Variants in PLCXD1 observed in about 807,000 individuals in gnomAD.
PLCXD1 encodes the protein phosphatidylinositol specific phospholipase C X domain containing 1.
Under a neutral mutation model 37.8 loss-of-function variants are expected in PLCXD1, and 45 were observed. The ratio of observed to expected loss-of-function variants is 1.19; its 90% CI spans 0.94 to 1.53. PLCXD1 has a LOEUF of 1.53. Among genes scored for constraint, PLCXD1 ranks in the 40% most tolerant of loss-of-function variants. The probability of loss-of-function intolerance (pLI) is 0.00; values close to 1 mark genes in which losing one functional copy is unlikely to be tolerated. For missense variants in PLCXD1, 539 were observed against 454.7 expected, an observed-to-expected ratio of 1.19 and a Z score of -1.69; for synonymous variants, 246 against 206.9, an observed-to-expected ratio of 1.19 and a Z score of -1.62.
intron 5 of PLCXD1, 34 bp from the exon 6 acceptor site, chrX:293,001 C>T (rs1188802897): frequency 2.0e-6 from 3 of 1,518,674 alleles, no homozygotes; most frequent in African/African-American, 2.8e-5. Context: ...GCTCTCCTCT[C>T]TCCCCTGCAC....
upstream of PLCXD1, among the ~76,000 whole-genome samples, chrX:279,775 G>GCAA: frequency 7.1e-6 from 1 of 140,370 alleles, no homozygotes; most frequent in Admixed American, 7.1e-5. Context: ...CCCTGTCTCT[G>GCAA]AAAAAAAAAA....
chrX:278,714 GGGAGACAGAGCA>G (rs2069201457), upstream of PLCXD1, among the ~76,000 whole-genome samples: 1 of 139,088 alleles, frequency 7.2e-6, no homozygotes, highest in South Asian at 2.3e-4. Flanking sequence ...ACTCCAGCCT[GGGAGACAGAGCA>G]AGACTCCGTC....
chrX:293,331 G>T (rs112714245), intron 6 of PLCXD1, 113 bp downstream of exon 6: 3 of 803,048 alleles, frequency 3.7e-6, no homozygotes, highest in Admixed American at 2.5e-5. Context: ...AATTTAAAAG[G>T]AATCCATGAG....
At chrX:294,481 CA>C (rs962052329) in intron 6 of PLCXD1, among the ~76,000 whole-genome samples, 9,326 of 93,708 alleles carry the variant, frequency 0.1, 942 homozygotes, top group African/African-American at 0.29. Flanking sequence ...AACTCTGTCT[CA>C]AAAAAAAAAA....
chrX:290,378 C>G (rs1408062474), intron 3 of PLCXD1, among the ~76,000 whole-genome samples: 2 of 151,744 alleles, frequency 1.3e-5, no homozygotes, highest in African/African-American at 4.8e-5. Flanking sequence ...TGCAGTGAGC[C>G]CAGATTGCAC....
At chrX:290,150 G>A (rs1345854914) in intron 3 of PLCXD1, among the ~76,000 whole-genome samples, 4 of 152,060 alleles carry the variant, frequency 2.6e-5, no homozygotes, top group Admixed American at 6.5e-5. Flanking sequence ...AGTAGAGGCC[G>A]GGCGCGGTGG....
Position 293,160 on chromosome X carries a change from G to A in PLCXD1, c.675G>A (p.Arg225=). ...GAGTCCCCTACTGGTGGGGAAACAG[G>A]GTGAAGACCGAGGCCCTCATCCGAT... ...WPGVPYWWGN[R]VKTEALIRYL... The change falls in exon 6 of 7, where the codon AGG becomes AGA. Residue 225 remains arginine, a synonymous_variant. Coordinates refer to ENST00000381657, the MANE Select transcript of PLCXD1 (RefSeq NM_018390.4). 1 of 1,612,808 alleles carries A rather than the reference G, an allele frequency of 6.2e-7. No homozygotes were observed. Among genetic ancestry groups the A allele is most frequent in the Non-Finnish European group, 8.5e-7 (1 of 1,179,786 alleles).
chrX:283,475 C>G (rs1418778156), intron 1 of PLCXD1: 10 of 151,060 alleles, frequency 6.6e-5, no homozygotes, highest in African/African-American at 2.4e-4. Context: ...ACCCCAGTTC[C>G]GTAATATGCA....
At chrX:299,021 A>T (rs2069906011) in intron 6 of PLCXD1, 76 bp from the exon 7 acceptor site, 2 of 1,101,394 alleles carry the variant, frequency 1.8e-6, no homozygotes, top group Non-Finnish European at 1.4e-6. Flanking sequence ...CGAACCTCTA[A>T]TAATGTGACT....
intron 2 of PLCXD1, among the ~76,000 whole-genome samples, chrX:287,516 T>C (rs1449590785): frequency 8.7e-6 from 1 of 114,320 alleles, no homozygotes; most frequent in Admixed American, 9.1e-5. Flanking sequence ...TATGTTTATA[T>C]ATAGATATAG....
rs568898885 is a variant in PLCXD1 at position 286,577 on chromosome X, G to T, written c.128-2156G>T. On this transcript the variant is annotated intron_variant, in intron 2 of 6. Transcript: ENST00000381657. ...AAAGAAATTCTTGGCCTTTTTAAAGGCTTACAACTCTGAGGGGTCCACGTG... is the reference window on the plus strand; with the variant it reads ...AAAGAAATTCTTGGCCTTTTTAAAGTCTTACAACTCTGAGGGGTCCACGTG... 8.5e-5 allele frequency among the ~76,000 whole-genome samples: 13 copies of T among 152,232 alleles called. No individual in the cohort carries two copies. The South Asian group carries it at 2.7e-3, about 32-fold the overall frequency.
At chrX:278,051 C>A (rs28677007), upstream of PLCXD1, among the ~76,000 whole-genome samples, 1 of 55,196 alleles carries the variant, frequency 1.8e-5, no homozygotes, top group East Asian at 5.5e-4. Flanking sequence ...GGGATAGGAG[C>A]GGACACCCCT....
Position 300,892 on chromosome X carries a change from G to T in PLCXD1, c.*1557G>T, listed in dbSNP as rs752560538. On this transcript the variant is annotated 3_prime_UTR_variant, in exon 7 of 7. Coordinates refer to ENST00000381657, the MANE Select transcript of PLCXD1 (RefSeq NM_018390.4). ...CTAATTTCATATATTTAGTAGAGAC[G>T]GGGTTTCTCCGCGTTGGTCAGGCCG... 2.0e-5 allele frequency: 3 copies of T among 152,074 alleles called. No homozygotes were observed. In the East Asian group the frequency reaches 5.8e-4, roughly 29 times the overall value. 9.4% of individuals were successfully genotyped at this position (152,074 alleles called of 1,614,324 possible).
intron 6 of PLCXD1, among the ~76,000 whole-genome samples, chrX:295,972 C>T (rs1474170834): frequency 1.3e-5 from 2 of 150,140 alleles, no homozygotes; most frequent in Admixed American, 6.7e-5. Flanking sequence ...TCCCACCACG[C>T]CCGGCTAATT....
chrX:281,219 G>T (rs2069268209), upstream of PLCXD1: 3 of 242,188 alleles, frequency 1.2e-5, no homozygotes, highest in Middle Eastern at 1.6e-3. Context: ...GCAGAGAAGG[G>T]GCCAGCTCCC....
At chrX:283,595 G>GTGCCAGGCCCGGGTGGGGGCGGCCGTGT in intron 1 of PLCXD1, 1 of 105,748 alleles carries the variant, frequency 9.5e-6, no homozygotes, top group Admixed American at 9.0e-5. Flanking sequence ...GGCGGCCGTG[G>GTGCCAGGCCCGGGTGGGGGCGGCCGTGT]TGCCAGGCCC....
chrX:280,392 GGAAGGGAGGCCGTGCAGGCA>G, upstream of PLCXD1, among the ~76,000 whole-genome samples: 3 of 53,646 alleles, frequency 5.6e-5, no homozygotes, highest in Admixed American at 1.8e-4. Flanking sequence ...CCGTGCAGGG[GGAAGGGAGGCCGTGCAGGCA>G]GAGGGGAAGA....
At chrX:291,321 T>G (rs1366066440) in intron 4 of PLCXD1, among the ~76,000 whole-genome samples, 178 bp from the exon 5 acceptor site, 3 of 152,056 alleles carry the variant, frequency 2.0e-5, no homozygotes, top group Non-Finnish European at 2.9e-5. Context: ...AATTTTTGTA[T>G]TTTTAGTAGA....
At position 284,154 on chromosome X, in the gene PLCXD1, TCTC is replaced by T. The variant is rs750372703; in HGVS notation, c.-21-10_-21-8del. The T allele has an allele frequency of 3.1e-6, 5 of 1,610,894 alleles. No individual in the cohort carries two copies. Among genetic ancestry groups the T allele is most frequent in the South Asian group, 2.2e-5 (2 of 90,976 alleles). On this transcript the variant is annotated splice_polypyrimidine_tract_variant and intron_variant, in intron 1 of 6. Coordinates refer to ENST00000381657, the MANE Select transcript of PLCXD1 (RefSeq NM_018390.4). ...CACCGTAAAAAACCTCTTTTCCTCT[TCTC>T]CTTCCTCAGGTTGCCCAGGGCTCAC...
Sources: gnomAD v4.1 joint callset for allele counts (sites outside exome capture counted in the v4.1 genomes callset) on GRCh38, gnomAD v4.1.1 for gene constraint, MANE v1.5 for transcripts, NCBI Gene and HGNC (gene_info 2026-07-23, HGNC 2026-07-21) for gene names.